EPC1: variants seen among roughly 807,000 people sequenced by gnomAD.
EPC1 encodes enhancer of polycomb homolog 1.
A neutral mutation model predicts 98.4 loss-of-function variants in EPC1; 12 were observed. The ratio of observed to expected loss-of-function variants is 0.12; its 90% CI spans 0.08 to 0.20. EPC1 has a LOEUF of 0.20. Among genes scored for constraint, EPC1 ranks in the 10% least tolerant of loss-of-function variants. EPC1 has a pLI of 1.00. For synonymous variants in EPC1, 357 were observed against 363.9 expected (o/e 0.98, Z 0.21); for missense variants, 729 against 990.5 (o/e 0.74, Z 3.54).
chr10:32,344,768 CAG>C (rs1838642584), intron 1 of EPC1, among the ~76,000 whole-genome samples: 1 of 152,150 alleles, frequency 6.6e-6, no homozygotes, highest in African/African-American at 2.4e-5. Context: ...GCCTGGGCAA[CAG>C]AGTGAGACTC....
chr10:32,350,066 A>G (rs969903802), upstream of EPC1, among the ~76,000 whole-genome samples: 2 of 152,212 alleles, frequency 1.3e-5, no homozygotes, highest in African/African-American at 4.8e-5. Flanking sequence ...TCTGTTCTCA[A>G]CTTAAAATTC....
At chr10:32,367,775 T>TATCCTCTC (rs1839641039) in intron 1 of EPC1, among the ~76,000 whole-genome samples, 1 of 152,256 alleles carries the variant, frequency 6.6e-6, no homozygotes, top group Admixed American at 6.5e-5. Flanking sequence ...TGCCTGTTTC[T>TATCCTCTC]ATCCTCTCAA....
chr10:32,281,126 C>T (rs748598239), intron 10 of EPC1, among the ~76,000 whole-genome samples: 1 of 152,170 alleles, frequency 6.6e-6, no homozygotes, highest in Non-Finnish European at 1.5e-5. Flanking sequence ...CGTCTGCCTC[C>T]TGGGTTCAAG....
At chr10:32,357,968 C>T (rs1258754792) in intron 1 of EPC1, among the ~76,000 whole-genome samples, 1 of 151,264 alleles carries the variant, frequency 6.6e-6, no homozygotes, top group Non-Finnish European at 1.5e-5. Flanking sequence ...GATTCTCCTG[C>T]CTCAGCCTCC....
intron 1 of EPC1, chr10:32,345,214 G>C (rs1353750593): frequency 1.0e-6 from 1 of 984,626 alleles, no homozygotes; most frequent in African/African-American, 1.7e-5. Flanking sequence ...AAATTAAGAG[G>C]TAGTGTCTCA....
At chr10:32,344,119 C>A (rs1838578676) in intron 1 of EPC1, among the ~76,000 whole-genome samples, 1 of 152,296 alleles carries the variant, frequency 6.6e-6, no homozygotes, top group East Asian at 1.9e-4. Flanking sequence ...GTACAAAATA[C>A]TTCCGCACAT....
chr10:32,302,650 A>AAG (rs72400766), intron 2 of EPC1, among the ~76,000 whole-genome samples: 1 of 1,260 alleles, frequency 7.9e-4, no homozygotes, highest in Non-Finnish European at 4.3e-3. Context: ...ACTCCATCTC[A>AAG]AAAAAAAAAA....
chr10:32,377,286 G>A, intron 1 of EPC1: 1 of 152,132 alleles, frequency 6.6e-6, no homozygotes, highest in East Asian at 1.9e-4. Flanking sequence ...AACCTCAGGA[G>A]AAACTTAGAA....
At chr10:32,270,077 A>G (rs946275138) in intron 13 of EPC1, among the ~76,000 whole-genome samples, 7 of 152,156 alleles carry the variant, frequency 4.6e-5, no homozygotes, top group Admixed American at 4.6e-4. Flanking sequence ...TCAGCCTCAA[A>G]TTTGTATTTC....
chr10:32,282,682 T>C (rs1321890551), intron 10 of EPC1: 2 of 152,216 alleles, frequency 1.3e-5, no homozygotes, highest in Non-Finnish European at 2.9e-5. Flanking sequence ...ACAACTGTTA[T>C]TAATATGCCT....
upstream of EPC1, among the ~76,000 whole-genome samples, chr10:32,349,020 C>A (rs1839031307): frequency 6.6e-6 from 1 of 152,208 alleles, no homozygotes; most frequent in Admixed American, 6.5e-5. Flanking sequence ...TATCCACAAG[C>A]TGAGTCATTA....
chr10:32,330,921 A>C (rs1463580836), intron 1 of EPC1, among the ~76,000 whole-genome samples: 2 of 152,206 alleles, frequency 1.3e-5, no homozygotes, highest in Admixed American at 1.3e-4. Context: ...AAAAGTTAGA[A>C]TGTCTGATCT....
chr10:32,307,544 T>C (rs1453317166), intron 1 of EPC1, among the ~76,000 whole-genome samples: 1 of 152,248 alleles, frequency 6.6e-6, no homozygotes, highest in African/African-American at 2.4e-5. Flanking sequence ...TTCTTATTCA[T>C]ACTCAATTTG....
Position 32,272,998 on chromosome 10 carries a change from C to T in EPC1, c.1863+165G>A, listed in dbSNP as rs199982741. 8.5e-5 allele frequency: 137 copies of T among 1,606,544 alleles called. 2 individuals are homozygous for T. The East Asian group carries it at 2.1e-3, about 25-fold the overall frequency. On this transcript the variant is annotated intron_variant, in intron 11 of 13. Coordinates refer to ENST00000319778, the MANE Select transcript of EPC1 (RefSeq NM_001272004.3). ...TTTTTAAAATAGGGAGCAGAGGCAACAGCTTCCATACTCACCTGTAGTGTT... is the reference window on the plus strand; with the variant it reads ...TTTTTAAAATAGGGAGCAGAGGCAATAGCTTCCATACTCACCTGTAGTGTT...
intron 10 of EPC1, chr10:32,273,790 G>A (rs986224258): frequency 6.6e-6 from 1 of 152,036 alleles, no homozygotes; most frequent in Non-Finnish European, 1.5e-5. Context: ...AAAAAAATTT[G>A]CTCTATATGA....
chr10:32,292,747 T>A, intron 4 of EPC1, 103 bp from the exon 5 acceptor site: 1 of 1,194,536 alleles, frequency 8.4e-7, no homozygotes, highest in Non-Finnish European at 1.1e-6. Context: ...AAATTAGAAT[T>A]TAAAGACAAT....
intron 13 of EPC1, 49 bp downstream of exon 13, chr10:32,271,505 G>C (rs768017537): frequency 1.9e-6 from 3 of 1,572,824 alleles, no homozygotes; most frequent in East Asian, 2.2e-5. Flanking sequence ...CTGGAGGACT[G>C]AAGTTAGATC....
intron 1 of EPC1, among the ~76,000 whole-genome samples, chr10:32,324,935 C>T (rs1293619649): frequency 1.3e-5 from 2 of 152,024 alleles, no homozygotes; most frequent in Non-Finnish European, 2.9e-5. Context: ...AGGTAACTGA[C>T]GTTGCAGTGA....
In EPC1 at chr10:32,343,697, G is replaced by GGC. The variant is rs66666913; in HGVS notation, c.153+3065_153+3066insGC. On this transcript the variant is annotated intron_variant, in intron 1 of 13. Coordinates refer to ENST00000319778, the MANE Select transcript of EPC1 (RefSeq NM_001272004.3). ...ATTTTCTGCCTCCAAATTATTTTGG[G>GGC]GGGGGGGTGTAAGGGCTTCTACTTA... 4.0e-4 allele frequency among the ~76,000 whole-genome samples: 60 copies of GGC among 151,236 alleles called. No individual in the cohort carries two copies. The East Asian group carries it at 0.01, about 25-fold the overall frequency.
Sources: gnomAD v4.1 joint callset for allele counts (sites outside exome capture counted in the v4.1 genomes callset) on GRCh38, gnomAD v4.1.1 for gene constraint, MANE v1.5 for transcripts, NCBI Gene and HGNC (gene_info 2026-07-23, HGNC 2026-07-21) for gene names.